Variants in ZFAND3 observed in about 807,000 individuals in gnomAD.
The protein encoded by ZFAND3 is AN1-type zinc finger protein 3.
In ZFAND3, 10 loss-of-function variants were observed where a neutral mutation model predicts 29.6. The observed-to-expected ratio is 0.34, with a 90% CI of 0.21 to 0.57. The LOEUF is 0.57. Among genes scored for constraint, ZFAND3 ranks in the 20% least tolerant of loss-of-function variants. The pLI is 0.86. For synonymous variants in ZFAND3, 128 were observed against 112.6 expected, an observed-to-expected ratio of 1.14 and a Z score of -0.87; for missense variants, 230 against 304.5, an observed-to-expected ratio of 0.76 and a Z score of 1.82.
intron 2 of ZFAND3, among the ~76,000 whole-genome samples, chr6:37,986,553 T>G (rs1007555820): frequency 1.3e-5 from 2 of 152,158 alleles, no homozygotes; most frequent in African/African-American, 4.8e-5. Flanking sequence ...ATCCTTAGTT[T>G]AGTGGATAAA....
intron 2 of ZFAND3, among the ~76,000 whole-genome samples, chr6:37,966,502 G>A (rs976506645): frequency 6.6e-6 from 1 of 152,110 alleles, no homozygotes; most frequent in Non-Finnish European, 1.5e-5. Flanking sequence ...CTGAGGCCTT[G>A]CGGTTCATAA....
intron 1 of ZFAND3, among the ~76,000 whole-genome samples, chr6:37,857,186 C>T (rs1386867461): frequency 6.6e-6 from 1 of 152,020 alleles, no homozygotes; most frequent in Non-Finnish European, 1.5e-5. Context: ...ATTAGAAAAT[C>T]CAGAATAATG....
At chr6:37,967,644 A>C (rs530028322) in intron 2 of ZFAND3, among the ~76,000 whole-genome samples, 1 of 152,284 alleles carries the variant, frequency 6.6e-6, no homozygotes, top group South Asian at 2.1e-4. Flanking sequence ...TCCAGTTCCA[A>C]CTCAATACCT....
intron 3 of ZFAND3, among the ~76,000 whole-genome samples, chr6:38,075,834 C>A (rs1388326895): frequency 6.6e-6 from 1 of 152,132 alleles, no homozygotes; most frequent in East Asian, 1.9e-4. Flanking sequence ...TCACTGCAAC[C>A]TCCACCTCCC....
intron 2 of ZFAND3, among the ~76,000 whole-genome samples, chr6:38,035,963 T>A (rs1326695606): frequency 6.6e-6 from 1 of 152,202 alleles, no homozygotes; most frequent in Non-Finnish European, 1.5e-5. Flanking sequence ...CCTTGTGGCA[T>A]TTGAGCCACA....
intron 4 of ZFAND3, among the ~76,000 whole-genome samples, chr6:38,087,312 G>A (rs1425295600): frequency 6.6e-6 from 1 of 152,142 alleles, no homozygotes; most frequent in African/African-American, 2.4e-5. Flanking sequence ...CACAAGCACA[G>A]GCAACCAAAG....
chr6:38,152,204 ACT>A (rs769799753), intron 5 of ZFAND3, 29 bp from the exon 6 acceptor site: 1 of 1,483,676 alleles, frequency 6.7e-7, no homozygotes, highest in Admixed American at 2.3e-5. Flanking sequence ...ACCCTAACAC[ACT>A]CTTTCCTCTG....
chr6:38,116,868 C>A (rs975630836), intron 5 of ZFAND3, 129 bp downstream of exon 5: 12 of 1,193,614 alleles, frequency 1.0e-5, no homozygotes, highest in East Asian at 7.7e-5. Flanking sequence ...GTAGTGCATG[C>A]GATATAGGTT....
At chr6:37,988,013 A>G (rs1320387751) in intron 2 of ZFAND3, among the ~76,000 whole-genome samples, 4 of 152,260 alleles carry the variant, frequency 2.6e-5, no homozygotes, top group Non-Finnish European at 4.4e-5. Flanking sequence ...CTCTTACAGA[A>G]GCATGCTTTA....
At chr6:38,110,816 G>A (rs1765301208) in intron 4 of ZFAND3, among the ~76,000 whole-genome samples, 1 of 152,208 alleles carries the variant, frequency 6.6e-6, no homozygotes. Context: ...TGTATTGTGA[G>A]TGTTGGCTTG....
chr6:38,089,405 G>A (rs1764821736), intron 4 of ZFAND3, among the ~76,000 whole-genome samples: 1 of 152,160 alleles, frequency 6.6e-6, no homozygotes, highest in East Asian at 1.9e-4. Flanking sequence ...TGGGATGACA[G>A]GCATGAGCCA....
At position 37,885,917 on chromosome 6, in the gene ZFAND3, TG is replaced by T. The variant is rs562811333; in HGVS notation, c.72-44041del. 3.5e-3 allele frequency among the ~76,000 whole-genome samples: 536 copies of T among 152,034 alleles called. 1 individual carries two copies. The highest frequency in any genetic ancestry group is 4.9e-3 in the Non-Finnish European group (331 of 67,966). On this transcript the variant is annotated intron_variant, in intron 1 of 5. Coordinates refer to ENST00000287218, the MANE Select transcript of ZFAND3 (RefSeq NM_021943.3). ...GCCCAGCCAGAAGTCAGTATACTTC[TG>T]AGCGGAAGCAACTGAACAACTATTT... is the stretch of plus-strand genomic sequence containing the variant.
chr6:38,090,345 T>G (rs1303257401), intron 4 of ZFAND3, among the ~76,000 whole-genome samples: 2 of 152,238 alleles, frequency 1.3e-5, no homozygotes, highest in East Asian at 1.9e-4. Context: ...ACCTTTCATT[T>G]TTTATTAGTG....
intron 1 of ZFAND3, among the ~76,000 whole-genome samples, chr6:37,912,253 T>C (rs919783427): frequency 1.3e-5 from 2 of 152,128 alleles, no homozygotes; most frequent in African/African-American, 4.8e-5. Context: ...CTGATCCCAG[T>C]GCTTTTTAAT....
In ZFAND3 at chr6:38,116,711, G is replaced by A. The variant is rs756732076; in HGVS notation, c.501G>A (p.Val167=). ...AGTGCCAAACCAAACTGGAGCTGGT[G>A]CAGCAGGAATTGGGATCGTGTCGCT... ...CFQCQTKLEL[V]QQELGSCRCG... The change falls in exon 5 of 6, where the codon GTG becomes GTA. Residue 167 remains valine (V), a synonymous_variant. Coordinates refer to ENST00000287218, the MANE Select transcript of ZFAND3 (RefSeq NM_021943.3). The A allele has an allele frequency of 6.8e-6, 11 of 1,614,126 alleles. No individual in the cohort carries two copies. The Admixed American group carries it at 1.2e-4, about 17-fold the overall frequency.
chr6:37,923,502 C>G (rs1466381274), intron 1 of ZFAND3, among the ~76,000 whole-genome samples: 1 of 152,206 alleles, frequency 6.6e-6, no homozygotes, highest in Non-Finnish European at 1.5e-5. Context: ...CAGTTAACAA[C>G]TACTTCTTCC....
intron 1 of ZFAND3, among the ~76,000 whole-genome samples, chr6:37,829,875 A>G (rs1239283760): frequency 6.6e-6 from 1 of 152,220 alleles, no homozygotes; most frequent in African/African-American, 2.4e-5. Flanking sequence ...ACTGACAGAT[A>G]AAATCTTGAG....
At chr6:37,896,750 G>T (rs1765227357) in intron 1 of ZFAND3, among the ~76,000 whole-genome samples, 2 of 151,370 alleles carry the variant, frequency 1.3e-5, no homozygotes, top group South Asian at 4.2e-4. Flanking sequence ...GGTTATGCTG[G>T]TCTCATCAGG....
chr6:38,042,190 A>G (rs1412503452), intron 2 of ZFAND3, among the ~76,000 whole-genome samples: 2 of 151,972 alleles, frequency 1.3e-5, no homozygotes, highest in African/African-American at 4.8e-5. Context: ...TTAAAATAGA[A>G]TTTGCTGCAT....
Sources: gnomAD v4.1 joint callset for allele counts (sites outside exome capture counted in the v4.1 genomes callset) on GRCh38, gnomAD v4.1.1 for gene constraint, MANE v1.5 for transcripts, NCBI Gene and HGNC (gene_info 2026-07-23, HGNC 2026-07-21) for gene names.